NPAS3: variants seen among roughly 807,000 people sequenced by gnomAD.
NPAS3 encodes neuronal PAS domain-containing protein 3.
Under a neutral mutation model 73.1 loss-of-function variants are expected in NPAS3, and 14 were observed. The observed-to-expected ratio is 0.19, with a 90% CI of 0.13 to 0.30. The LOEUF is 0.30. Among genes scored for constraint, NPAS3 ranks in the 10% least tolerant of loss-of-function variants. The probability of loss-of-function intolerance (pLI) is 1.00; values close to 1 mark genes in which losing one functional copy is unlikely to be tolerated. For missense variants in NPAS3, 1,096 were observed against 1,250.0 expected, an observed-to-expected ratio of 0.88 and a Z score of 1.86; for synonymous variants, 620 against 541.5, an observed-to-expected ratio of 1.14 and a Z score of -2.01.
intron 2 of NPAS3, among the ~76,000 whole-genome samples, chr14:33,152,222 T>C (rs113546076): frequency 1.3e-5 from 2 of 152,148 alleles, no homozygotes; most frequent in Non-Finnish European, 2.9e-5. Flanking sequence ...GTTGGGCAAC[T>C]CGAGTCTATA....
At chr14:33,582,714 ATTAAGATAATAAG>A (rs1298833702) in intron 5 of NPAS3, among the ~76,000 whole-genome samples, 1 of 152,200 alleles carries the variant, frequency 6.6e-6, no homozygotes, top group African/African-American at 2.4e-5. Flanking sequence ...CATAGCGGAT[ATTAAGATAATAAG>A]TCATGTGACA....
At chr14:33,101,142 C>G (rs2042565370) in intron 2 of NPAS3, among the ~76,000 whole-genome samples, 3 of 152,144 alleles carry the variant, frequency 2.0e-5, no homozygotes, top group African/African-American at 7.2e-5. Flanking sequence ...GCCCCCCACA[C>G]ACACCTGCAC....
intron 7 of NPAS3, among the ~76,000 whole-genome samples, chr14:33,739,484 G>T (rs117764119): frequency 0.02 from 3,078 of 152,228 alleles, 51 homozygotes; most frequent in Non-Finnish European, 0.025. Context: ...TAACGAGAAG[G>T]TGCTAATTAG....
At chr14:33,727,981 G>C (rs938647131) in intron 6 of NPAS3, among the ~76,000 whole-genome samples, 7 of 152,172 alleles carry the variant, frequency 4.6e-5, no homozygotes, top group African/African-American at 1.7e-4. Flanking sequence ...CGATCTTTAC[G>C]ATACTCAGTT....
At chr14:33,082,497 T>C (rs73266802) in intron 2 of NPAS3, among the ~76,000 whole-genome samples, 12 of 152,238 alleles carry the variant, frequency 7.9e-5, no homozygotes, top group African/African-American at 2.9e-4. Context: ...GCCACTACCA[T>C]TGTGTTTTAC....
chr14:33,440,911 G>A (rs1457112782), intron 4 of NPAS3, among the ~76,000 whole-genome samples: 2 of 151,624 alleles, frequency 1.3e-5, no homozygotes, highest in Non-Finnish European at 1.5e-5. Flanking sequence ...AAAAAAGACT[G>A]TATGAAGAGC....
At chr14:33,489,229 C>G (rs1303198838) in intron 4 of NPAS3, among the ~76,000 whole-genome samples, 1 of 152,106 alleles carries the variant, frequency 6.6e-6, no homozygotes, top group East Asian at 1.9e-4. Flanking sequence ...ACAATTTCTA[C>G]TCTTTCGGAT....
At chr14:33,246,345 C>T (rs1383986436) in intron 3 of NPAS3, among the ~76,000 whole-genome samples, 1 of 151,810 alleles carries the variant, frequency 6.6e-6, no homozygotes, top group Non-Finnish European at 1.5e-5. Flanking sequence ...CCAGACCATC[C>T]TGGCTAACAC....
chr14:33,518,602 T>TTTTC (rs970412312), intron 4 of NPAS3, among the ~76,000 whole-genome samples: 1 of 151,618 alleles, frequency 6.6e-6, no homozygotes, highest in Non-Finnish European at 1.5e-5. Flanking sequence ...ATTTTTTTTT[T>TTTTC]TTTTTTTTGG....
At chr14:33,754,903 C>T (rs1195718429) in intron 7 of NPAS3, among the ~76,000 whole-genome samples, 1 of 152,146 alleles carries the variant, frequency 6.6e-6, no homozygotes, top group Non-Finnish European at 1.5e-5. Context: ...GGGTAAATGC[C>T]ATGACGTGTC....
chr14:33,479,647 C>T (rs1449813131), intron 4 of NPAS3, among the ~76,000 whole-genome samples: 1 of 152,078 alleles, frequency 6.6e-6, no homozygotes, highest in Admixed American at 6.5e-5. Flanking sequence ...AAAAGAACAC[C>T]GACACTCTGT....
intron 7 of NPAS3, among the ~76,000 whole-genome samples, chr14:33,757,324 A>G (rs1023862894): frequency 2.6e-5 from 4 of 152,118 alleles, no homozygotes; most frequent in Non-Finnish European, 4.4e-5. Context: ...ACCTCATTCC[A>G]TTTTCTCAGC....
intron 3 of NPAS3, among the ~76,000 whole-genome samples, chr14:33,268,511 G>C (rs1042310105): frequency 6.6e-6 from 1 of 151,934 alleles, no homozygotes; most frequent in Non-Finnish European, 1.5e-5. Context: ...ATTTGCTATG[G>C]ATTTCTTTAT....
rs75707250 is a variant in NPAS3 at position 33,317,216 on chromosome 14, C to T, written c.386-49970C>T. 1.3e-3 allele frequency among the ~76,000 whole-genome samples: 199 copies of T among 152,164 alleles called. 4 individuals are homozygous for T. The East Asian group carries it at 0.036, about 27-fold the overall frequency. ...TTCAGTGCTATTAATGATTGAATAACATTAGCTTTTCCATGGCAGAAGTAT... is the reference window on the plus strand; with the variant it reads ...TTCAGTGCTATTAATGATTGAATAATATTAGCTTTTCCATGGCAGAAGTAT... On this transcript the variant is annotated intron_variant, in intron 3 of 11. Transcript: ENST00000356141.
Position 33,474,669 on chromosome 14 carries a change from G to C in NPAS3, c.469-85452G>C, listed in dbSNP as rs556428295. On this transcript the variant is annotated intron_variant, in intron 4 of 11. Transcript: ENST00000356141. ...ACCATGACCTAGAACAGGGAAGGAG[G>C]GATAAAGAGAAGGGTATAAATTTGA... is the stretch of plus-strand genomic sequence containing the variant. 2.6e-5 allele frequency among the ~76,000 whole-genome samples: 4 copies of C among 152,102 alleles called. No individual in the cohort carries two copies. The South Asian group carries it at 8.3e-4, about 32-fold the overall frequency.
Position 33,345,303 on chromosome 14 carries a change from A to C in NPAS3, c.386-21883A>C, listed in dbSNP as rs17100724. Among the ~76,000 whole-genome samples the C allele has an allele frequency of 0.01, 1,573 of 152,334 alleles. 138 individuals carry two copies. In the East Asian group the frequency reaches 0.21, roughly 21 times the overall value. ...TGAACCGAATGTGAGAGGCAAGGGG[A>C]TGAAAATCTGGTTTCAAGGGCCCAA... is the stretch of plus-strand genomic sequence containing the variant. On this transcript the variant is annotated intron_variant, in intron 3 of 11. Transcript: ENST00000356141.
At chr14:33,240,274 A>T (rs78666100) in intron 3 of NPAS3, among the ~76,000 whole-genome samples, 1 of 151,872 alleles carries the variant, frequency 6.6e-6, no homozygotes, top group Non-Finnish European at 1.5e-5. Context: ...ACAGAATGCC[A>T]TAGTTTACTA....
At chr14:33,478,230 C>T (rs1374242274) in intron 4 of NPAS3, among the ~76,000 whole-genome samples, 1 of 152,136 alleles carries the variant, frequency 6.6e-6, no homozygotes, top group African/African-American at 2.4e-5. Context: ...GCACTAATAA[C>T]ATTAAATCAA....
intron 3 of NPAS3, among the ~76,000 whole-genome samples, chr14:33,353,611 AT>A (rs932583739): frequency 2.1e-4 from 32 of 152,328 alleles, no homozygotes; most frequent in African/African-American, 7.5e-4. Context: ...GGGGTCTTGC[AT>A]TTTTTGTAGC....
Sources: allele counts gnomAD v4.1 joint callset (sites outside exome capture counted in the v4.1 genomes callset), GRCh38; gene constraint gnomAD v4.1.1; transcripts MANE v1.5; gene names NCBI Gene and HGNC (gene_info 2026-07-23, HGNC 2026-07-21).